The following SHOC1 variants were observed in gnomAD, a reference collection of about 807,000 sequenced individuals.
The protein encoded by SHOC1 is shortage in chiasmata 1.
Under a neutral mutation model 179.2 loss-of-function variants are expected in SHOC1, and 136 were observed. The ratio of observed to expected loss-of-function variants is 0.76; its 90% CI spans 0.66 to 0.87. The LOEUF (loss-of-function observed/expected upper bound fraction) is 0.87, where lower values mean the gene tolerates loss of function less well. Ranked by LOEUF, SHOC1 falls within the 40% of genes least tolerant of loss-of-function variation. SHOC1 has a pLI of 0.00. For missense variants in SHOC1, 1,538 were observed against 1,700.8 expected, an observed-to-expected ratio of 0.90 and a Z score of 1.68; for synonymous variants, 489 against 586.6, an observed-to-expected ratio of 0.83 and a Z score of 2.41.
At chr9:111,712,685 T>C (rs901958009) in intron 18 of SHOC1, among the ~76,000 whole-genome samples, 14 of 152,118 alleles carry the variant, frequency 9.2e-5, no homozygotes, top group Non-Finnish European at 5.9e-5. Context: ...TGAAGAATGA[T>C]ACTAAAACGA....
chr9:111,698,973 C>A (rs1368259515), intron 24 of SHOC1, among the ~76,000 whole-genome samples: 1 of 151,974 alleles, frequency 6.6e-6, no homozygotes, highest in Admixed American at 6.6e-5. Flanking sequence ...CTACTATGTA[C>A]CTGGCATTGT....
At chr9:111,749,687 G>C (rs1366695701) in intron 8 of SHOC1, among the ~76,000 whole-genome samples, 1 of 151,958 alleles carries the variant, frequency 6.6e-6, no homozygotes, top group South Asian at 2.1e-4. Context: ...CATCACCCCC[G>C]ATAAGCCCTA....
chr9:111,720,764 T>C (rs1346464622), intron 15 of SHOC1, among the ~76,000 whole-genome samples: 1 of 152,236 alleles, frequency 6.6e-6, no homozygotes, highest in Non-Finnish European at 1.5e-5. Context: ...ATTTTTCATC[T>C]CATGCATTGC....
intron 2 of SHOC1, among the ~76,000 whole-genome samples, 180 bp downstream of exon 2, chr9:111,791,194 C>T (rs1193750350): frequency 6.6e-6 from 1 of 151,700 alleles, no homozygotes; most frequent in Non-Finnish European, 1.5e-5. Context: ...GGGTCTTATC[C>T]CCAAGATATC....
intron 3 of SHOC1, among the ~76,000 whole-genome samples, chr9:111,784,730 G>A (rs565876221): frequency 1.6e-4 from 25 of 152,258 alleles, no homozygotes; most frequent in African/African-American, 5.8e-4. Context: ...TGGAGGCTGG[G>A]AGGTCCAAGA....
rs1397872238 is a variant in SHOC1, at chr9:111,696,944, T to A, written c.3184-2582A>T. Among the ~76,000 whole-genome samples, 6 of 152,350 alleles carry A rather than the reference T, an allele frequency of 3.9e-5. No homozygotes were observed. In the East Asian group the frequency reaches 1.2e-3, roughly 29 times the overall value. On this transcript the variant is annotated intron_variant, in intron 24 of 27. Transcript: ENST00000682961. ...CAGTTCAAACAGATCATTTGTTGAT[T>A]TTCTTAGCAAGTGGTACTTTGAATT...
intron 18 of SHOC1, among the ~76,000 whole-genome samples, chr9:111,710,102 T>C (rs1256633699): frequency 2.6e-5 from 4 of 152,138 alleles, no homozygotes; most frequent in Non-Finnish European, 5.9e-5. Flanking sequence ...CCTGATTTTT[T>C]AAAAAAATGT....
At chr9:111,717,090 T>A (rs1166860169) in intron 16 of SHOC1, among the ~76,000 whole-genome samples, 1 of 152,228 alleles carries the variant, frequency 6.6e-6, no homozygotes, top group Non-Finnish European at 1.5e-5. Context: ...ATATCTGAGG[T>A]CCCACTGCTT....
intron 23 of SHOC1, among the ~76,000 whole-genome samples, chr9:111,701,822 C>T (rs547760520): frequency 6.6e-6 from 1 of 152,090 alleles, no homozygotes; most frequent in African/African-American, 2.4e-5. Flanking sequence ...AGTAGTTAGA[C>T]AGAAATCAGA....
At chr9:111,752,616 A>C (rs1366832220) in intron 8 of SHOC1, among the ~76,000 whole-genome samples, 3 of 152,236 alleles carry the variant, frequency 2.0e-5, no homozygotes, top group African/African-American at 7.2e-5. Flanking sequence ...ACTAACCATG[A>C]GATGACTCAG....
At position 111,791,472 on chromosome 9, in the gene SHOC1, A is replaced by G; in HGVS notation, c.-36-18T>C. 8.4e-7 allele frequency: 1 copy of G among 1,191,736 alleles called. No individual in the cohort carries two copies. Among genetic ancestry groups the G allele is most frequent in the Non-Finnish European group, 1.1e-6 (1 of 878,608 alleles). The allele number at this position is 1,191,736 out of a possible 1,614,324, so 73.8% of individuals were successfully genotyped here. ...TTCAACATCTGGAAATACAAAAATT[A>G]AAATTAAACACTGGTAAAATAGCAA... On this transcript the variant is annotated intron_variant, in intron 1 of 27. Coordinates refer to ENST00000682961, the MANE Select transcript of SHOC1 (RefSeq NM_001378211.1).
At chr9:111,785,178 T>G (rs565359457) in intron 3 of SHOC1, among the ~76,000 whole-genome samples, 1 of 152,284 alleles carries the variant, frequency 6.6e-6, no homozygotes, top group East Asian at 1.9e-4. Flanking sequence ...GTTGTTGCTT[T>G]CCCATGATTC....
At chr9:111,711,179 A>G (rs1192674569) in intron 18 of SHOC1, among the ~76,000 whole-genome samples, 1 of 152,136 alleles carries the variant, frequency 6.6e-6, no homozygotes, top group African/African-American at 2.4e-5. Flanking sequence ...GAACAGAGAG[A>G]AATGCAGGTA....
chr9:111,744,484 C>A (rs1232451446), intron 10 of SHOC1, among the ~76,000 whole-genome samples: 3 of 152,114 alleles, frequency 2.0e-5, no homozygotes, highest in Non-Finnish European at 4.4e-5. Context: ...TGACACTTTC[C>A]TGAGACCATT....
At chr9:111,781,242 A>G in intron 3 of SHOC1, 1 of 444,246 alleles carries the variant, frequency 2.3e-6, no homozygotes, top group South Asian at 3.1e-5. Context: ...ACCTGAACAT[A>G]TCACCCTCAT....
chr9:111,726,465 G>A (rs1444443414), intron 13 of SHOC1, among the ~76,000 whole-genome samples: 1 of 152,194 alleles, frequency 6.6e-6, no homozygotes, highest in Non-Finnish European at 1.5e-5. Context: ...GTCTCATTAT[G>A]TTGCTCAGGC....
chr9:111,735,993 C>T (rs1589424139), intron 12 of SHOC1, among the ~76,000 whole-genome samples: 1 of 152,194 alleles, frequency 6.6e-6, no homozygotes, highest in Admixed American at 6.5e-5. Context: ...CTGTGATGAA[C>T]ATATTAGTGC....
Position 111,703,440 on chromosome 9 carries a change from A to G in SHOC1, c.2967+441T>C, listed in dbSNP as rs189304650. On this transcript the variant is annotated intron_variant, in intron 22 of 27. Coordinates refer to ENST00000682961, the MANE Select transcript of SHOC1 (RefSeq NM_001378211.1). ...AATTCCAAACTATATGAATTTTTGA[A>G]GAGAAATTCTCTTTCTAAAAACTAG... Among the ~76,000 whole-genome samples the G allele has an allele frequency of 8.5e-4, 130 of 152,296 alleles. 1 individual carries two copies. In the East Asian group the frequency reaches 0.022, roughly 26 times the overall value.
chr9:111,719,289 A>G (rs1181198615), intron 15 of SHOC1, among the ~76,000 whole-genome samples: 1 of 152,196 alleles, frequency 6.6e-6, no homozygotes, highest in Non-Finnish European at 1.5e-5. Flanking sequence ...TTGTAGGCTT[A>G]GTTTTATCTC....
Sources: allele counts gnomAD v4.1 joint callset (sites outside exome capture counted in the v4.1 genomes callset), GRCh38; gene constraint gnomAD v4.1.1; transcripts MANE v1.5; gene names NCBI Gene and HGNC (gene_info 2026-07-23, HGNC 2026-07-21).